The following SEC24C variants were observed in gnomAD, a reference collection of about 807,000 sequenced individuals.
The protein encoded by SEC24C is SEC24 homolog C, COPII component, also known as protein transport protein Sec24C.
A neutral mutation model predicts 117.0 loss-of-function variants in SEC24C; 22 were observed. The observed-to-expected ratio is 0.19, with a 90% CI of 0.13 to 0.27. The LOEUF (loss-of-function observed/expected upper bound fraction) is 0.27. SEC24C is among the 10% of genes least tolerant of loss of function. SEC24C has a pLI of 1.00. For missense variants in SEC24C, 1,155 were observed against 1,375.1 expected (o/e 0.84, Z 2.53); for synonymous variants, 506 against 529.4 (o/e 0.96, Z 0.61).
chr10:73,770,106 G>T lies in SEC24C; in HGVS notation c.2862+91G>T, dbSNP rs1365057360. 1.1e-5 allele frequency: 15 copies of T among 1,330,508 alleles called. No homozygotes were observed. In the Admixed American group the frequency reaches 3.0e-4, roughly 27 times the overall value. 82.4% of individuals were successfully genotyped at this position (1,330,508 alleles called of 1,614,324 possible). A position where few individuals can be genotyped will look rare whatever the true frequency, so the allele number is the denominator to read the frequency against. ...ATAGGCTAGTATCAGTCAGACACTA[G>T]TGGAATTTGTTTTTATGTATTTTAG... is the stretch of plus-strand genomic sequence containing the variant. On this transcript the variant is annotated intron_variant, in intron 20 of 22. Transcript: ENST00000345254.
chr10:73,768,671 T>A (rs539476453), intron 15 of SEC24C, 139 bp from the exon 16 acceptor site: 2 of 757,140 alleles, frequency 2.6e-6, no homozygotes, highest in Non-Finnish European at 4.6e-6. Flanking sequence ...AAAGCTATTA[T>A]TGTCATCATC....
At chr10:73,745,347 G>A (rs2082530842) in intron 1 of SEC24C, among the ~76,000 whole-genome samples, 1 of 151,822 alleles carries the variant, frequency 6.6e-6, no homozygotes, top group Non-Finnish European at 1.5e-5. Context: ...AGCAGAAACA[G>A]GAGAGTTGGA....
At chr10:73,760,645 T>C (rs2082783709) in intron 5 of SEC24C, 68 bp from the exon 6 acceptor site, 1 of 1,468,020 alleles carries the variant, frequency 6.8e-7, no homozygotes, top group East Asian at 2.3e-5. Context: ...GTCTAGTCAT[T>C]TTCCTGAGGC....
At chr10:73,755,859 T>C (rs961341724) in intron 3 of SEC24C, among the ~76,000 whole-genome samples, 11 of 151,618 alleles carry the variant, frequency 7.3e-5, no homozygotes, top group Non-Finnish European at 1.6e-4. Context: ...GAAAATCTTT[T>C]TTTTTTTTTA....
Position 73,760,344 on chromosome 10 carries a change from A to G in SEC24C, c.808A>G (p.Met270Val), listed in dbSNP as rs1172786104. The change falls in exon 5 of 23, where the codon ATG becomes GTG. Residue 270 changes from methionine (M) to valine (V), a missense_variant. Met to Val is a conservative substitution (Grantham distance 21, BLOSUM62 1). This residue lies in a region of SEC24C where 396 missense variants were observed against 382.8 expected (regional missense o/e 1.03). Coordinates refer to ENST00000345254, the MANE Select transcript of SEC24C (RefSeq NM_198597.3). ...TGGGCCCCTGGGACCACTGCCACCT[A>G]TGCACTCCCCGCAGCAGCCAGGCTA... is the stretch of plus-strand genomic sequence containing the variant. ...MTGPLGPLPP[M>V]HSPQQPGYQP... The G allele has an allele frequency of 1.7e-5, 27 of 1,608,644 alleles. No homozygotes were observed. The highest frequency in any genetic ancestry group is 2.2e-5 in the East Asian group (1 of 44,838).
chr10:73,747,067 G>A, intron 2 of SEC24C, 63 bp downstream of exon 2: 3 of 1,488,114 alleles, frequency 2.0e-6, no homozygotes, highest in Non-Finnish European at 2.7e-6. Context: ...TTCAGGTTGG[G>A]TTGTATTGCT....
intron 3 of SEC24C, among the ~76,000 whole-genome samples, chr10:73,757,852 G>A (rs1461457597): frequency 7.0e-6 from 1 of 142,886 alleles, no homozygotes; most frequent in African/African-American, 2.6e-5. Context: ...GGAGGTCAAG[G>A]CTGCAGTGAG....
rs375975789 is a variant in SEC24C at position 73,767,840 on chromosome 10, C to G, written c.2014C>G (p.Leu672Val). 5 of 1,607,418 alleles carry G rather than the reference C, an allele frequency of 3.1e-6. No homozygotes were observed. The highest frequency in any genetic ancestry group is 1.1e-5 in the South Asian group (1 of 89,724). ...KLINTDKEKTLFQPQTGAYQT... is the reference protein window; with the variant it reads ...KLINTDKEKTVFQPQTGAYQT... ...TCCCCATTTTCTTTCCCCCTAGACTCTGTTCCAGCCTCAGACAGGTGCCTA... is the reference window on the plus strand; with the variant it reads ...TCCCCATTTTCTTTCCCCCTAGACTGTGTTCCAGCCTCAGACAGGTGCCTA... Residue 672 changes from leucine to valine, a missense_variant, in exon 15 of 23, where the codon CTG (leucine) becomes GTG (valine). This residue lies in a region of SEC24C where 759 missense variants were observed against 992.3 expected (regional missense o/e 0.76). Transcript: ENST00000345254.
chr10:73,771,424 G>A lies in SEC24C; in HGVS notation c.*329G>A. 3.7e-6 allele frequency: 1 copy of A among 268,470 alleles called. No individual in the cohort carries two copies. Among genetic ancestry groups the A allele is most frequent in the East Asian group, 9.3e-5 (1 of 10,752 alleles). 16.6% of individuals were successfully genotyped at this position (268,470 alleles called of 1,614,324 possible). A position where few individuals can be genotyped will look rare whatever the true frequency, so the allele number is the denominator to read the frequency against. On this transcript the variant is annotated 3_prime_UTR_variant, in exon 23 of 23. Coordinates refer to ENST00000345254, the MANE Select transcript of SEC24C (RefSeq NM_198597.3). Reference sequence around the variant, plus strand: ...CCCTGGCAATATTATGTGTCCCTTTGGACCAGTCTCCCAAGAGGAGAGGGG... The same window carrying A: ...CCCTGGCAATATTATGTGTCCCTTTAGACCAGTCTCCCAAGAGGAGAGGGG...
Position 73,759,695 on chromosome 10 carries a change from G to T in SEC24C, c.382G>T (p.Gly128Cys). Residue 128 changes from glycine (G) to cysteine (C), a missense_variant, in exon 4 of 23, where the codon GGC becomes TGC. This residue lies in a region of SEC24C where 396 missense variants were observed against 382.8 expected (regional missense o/e 1.03). Transcript: ENST00000345254. Reference protein sequence around the residue: ...GNQPPVLQPYGPPPTSAQVAT... With the variant: ...GNQPPVLQPYCPPPTSAQVAT... ...CCAGCCACCTGTGCTTCAGCCCTAT[G>T]GCCCTCCCCCGACAAGTGCACAGGT... 6.2e-7 allele frequency: 1 copy of T among 1,607,852 alleles called. No homozygotes were observed. The highest frequency in any genetic ancestry group is 8.5e-7 in the Non-Finnish European group (1 of 1,177,990).
Position 73,771,179 on chromosome 10 carries a change from C to CT in SEC24C, c.*86dup. The stretch of plus-strand genomic sequence containing the variant: ...CAGAGAAATTGGGACAGTAACATAT[C>CT]TTATGTAAGCTGACCTCAGTCTCTC... On this transcript the variant is annotated 3_prime_UTR_variant, in exon 23 of 23. Transcript: ENST00000345254. The CT allele has an allele frequency of 6.8e-7, 1 of 1,479,354 alleles. No individual in the cohort carries two copies. Among genetic ancestry groups the CT allele is most frequent in the East Asian group, 2.3e-5 (1 of 44,132 alleles). The allele number at this position is 1,479,354 out of a possible 1,614,324, so 91.6% of individuals were successfully genotyped here.
rs1390979203 is a variant in SEC24C, at chr10:73,771,037, C to T, written c.3227C>T (p.Ala1076Val). 6.2e-7 allele frequency: 1 copy of T among 1,614,164 alleles called. No homozygotes were observed. Among genetic ancestry groups the T allele is most frequent in the Non-Finnish European group, 8.5e-7 (1 of 1,180,026 alleles). ...LVEDKSLSGG[A>V]SYVDFLCHMH... ...GAAGACAAGAGTCTGAGTGGGGGAG[C>T]ATCTTATGTGGACTTTCTCTGTCAT... The change falls in exon 23 of 23, where the codon GCA becomes GTA. Residue 1076 changes from alanine (A) to valine (V), a missense_variant. Physicochemically the swap from Ala to Val is moderately conservative, Grantham distance 64. Coordinates refer to ENST00000345254, the MANE Select transcript of SEC24C (RefSeq NM_198597.3).
chr10:73,765,099 G>A (rs2082860632), intron 8 of SEC24C, among the ~76,000 whole-genome samples: 1 of 152,112 alleles, frequency 6.6e-6, no homozygotes, highest in Admixed American at 6.5e-5. Flanking sequence ...AAGAGTGAAG[G>A]GCATTAGAGA....
chr10:73,763,904 G>C lies in SEC24C; in HGVS notation c.1148G>C (p.Cys383Ser). The part of the protein sequence containing the change: ...YIRCTSYNIP[C>S]TSDMAKQAQV... ...CGATGTACATCCTATAATATCCCTT[G>C]CACATCTGACATGGCTAAGCAGGCT... Residue 383 changes from cysteine (C) to serine (S), a missense_variant, in exon 8 of 23, where the codon TGC (cysteine) becomes TCC (serine). Physicochemically the swap from Cys to Ser is moderately radical, Grantham distance 112. Coordinates refer to ENST00000345254, the MANE Select transcript of SEC24C (RefSeq NM_198597.3). 1 of 1,613,686 alleles carries C rather than the reference G, an allele frequency of 6.2e-7. No individual in the cohort carries two copies. Among genetic ancestry groups the C allele is most frequent in the Non-Finnish European group, 8.5e-7 (1 of 1,179,924 alleles).
At chr10:73,757,920 CAAAAAAAAAAAAAAA>C (rs61625607) in intron 3 of SEC24C, among the ~76,000 whole-genome samples, 3 of 38,876 alleles carry the variant, frequency 7.7e-5, no homozygotes, top group African/African-American at 2.4e-4. Context: ...GACCCTGTCT[CAAAAAAAAAAAAAAA>C]AAAAAAAAAA....
Position 73,766,213 on chromosome 10 carries a change from G to C in SEC24C, c.1607+3G>C. 1.2e-6 allele frequency: 2 copies of C among 1,610,480 alleles called. No homozygotes were observed. Among genetic ancestry groups the C allele is most frequent in the Non-Finnish European group, 1.7e-6 (2 of 1,178,892 alleles). On this transcript the variant is annotated splice_donor_region_variant and intron_variant, in intron 11 of 22. Transcript: ENST00000345254. ...TCACTGTTAGACTTTCTACCTAGGT[G>C]AGAGTTACAGAACTGAGGTGTTTCC...
intron 3 of SEC24C, among the ~76,000 whole-genome samples, chr10:73,752,331 C>A (rs1411301623): frequency 6.6e-6 from 1 of 152,098 alleles, no homozygotes. Flanking sequence ...CTGTGTTGCC[C>A]AGGCTGATCT....
chr10:73,760,863 T>G lies in SEC24C; in HGVS notation c.987+14T>G. The G allele has an allele frequency of 6.2e-7, 1 of 1,602,412 alleles. No homozygotes were observed. Among genetic ancestry groups the G allele is most frequent in the Non-Finnish European group, 8.5e-7 (1 of 1,175,058 alleles). On this transcript the variant is annotated intron_variant, in intron 6 of 22. Coordinates refer to ENST00000345254, the MANE Select transcript of SEC24C (RefSeq NM_198597.3). The stretch of plus-strand genomic sequence containing the variant: ...ATCCCAAGCCCTGTAAGTAGAAACT[T>G]TCATGGTCCTGAGGAAGGGTTTGTG...
intron 3 of SEC24C, among the ~76,000 whole-genome samples, chr10:73,757,946 AAAC>A (rs1361403320): frequency 8.9e-5 from 13 of 146,008 alleles, no homozygotes; most frequent in South Asian, 6.7e-4. Flanking sequence ...AAAAAAAAAA[AAAC>A]GTAAGGCTGG....
Sources: allele counts gnomAD v4.1 joint callset (sites outside exome capture counted in the v4.1 genomes callset), GRCh38; gene constraint gnomAD v4.1.1; regional missense constraint gnomAD v4.1.1; transcripts MANE v1.5; gene names NCBI Gene and HGNC (gene_info 2026-07-23, HGNC 2026-07-21).